KBTBD12: variants seen among roughly 807,000 people sequenced by gnomAD.
KBTBD12 encodes the protein kelch repeat and BTB domain containing 12.
KBTBD12 carries 53 observed loss-of-function variants against 58.7 expected under a neutral mutation model. The ratio of observed to expected loss-of-function variants is 0.90; its 90% CI spans 0.72 to 1.14. The LOEUF (loss-of-function observed/expected upper bound fraction) is 1.14, where lower values mean the gene tolerates loss of function less well. Among genes scored for constraint, KBTBD12 ranks in the 50% most tolerant of loss-of-function variants. The probability of loss-of-function intolerance (pLI) is 0.00; values close to 1 mark genes in which losing one functional copy is unlikely to be tolerated. For synonymous variants in KBTBD12, 236 were observed against 259.8 expected (o/e 0.91, Z 0.88); for missense variants, 704 against 751.3 (o/e 0.94, Z 0.74).
At chr3:127,968,729 A>T (rs546759048) in intron 5 of KBTBD12, among the ~76,000 whole-genome samples, 36 of 152,276 alleles carry the variant, frequency 2.4e-4, no homozygotes, top group Middle Eastern at 3.4e-3. Flanking sequence ...ACATTTACCT[A>T]TGTAACAAAC....
chr3:127,925,314 C>A (rs1310950544), intron 2 of KBTBD12, among the ~76,000 whole-genome samples: 2 of 152,100 alleles, frequency 1.3e-5, no homozygotes, highest in African/African-American at 4.8e-5. Flanking sequence ...AGAGCAGATC[C>A]CCACAGGAAG....
At position 127,923,247 on chromosome 3, in the gene KBTBD12, T is replaced by C. The variant is rs751360545; in HGVS notation, c.186T>C (p.Cys62=). 1.4e-5 allele frequency: 23 copies of C among 1,613,902 alleles called. No individual in the cohort carries two copies. The highest frequency in any genetic ancestry group is 1.9e-5 in the Non-Finnish European group (22 of 1,179,816). The part of the protein sequence containing the change: ...FSPYFKAMFT[C]GLLECNQREV... ...CTTATTTCAAAGCTATGTTCACCTG[T>C]GGACTACTTGAATGTAATCAAAGGG... Residue 62 remains cysteine (C), a synonymous_variant, in exon 2 of 6, where the codon TGT becomes TGC. Coordinates refer to ENST00000405109, the MANE Select transcript of KBTBD12 (RefSeq NM_207335.4).
At chr3:127,976,455 T>C (rs1029208615) in intron 5 of KBTBD12, among the ~76,000 whole-genome samples, 1 of 152,230 alleles carries the variant, frequency 6.6e-6, no homozygotes, top group Non-Finnish European at 1.5e-5. Flanking sequence ...CCTCTCTTGA[T>C]GTCTATCCGA....
At chr3:127,952,803 T>C (rs1940235273) in intron 4 of KBTBD12, among the ~76,000 whole-genome samples, 1 of 152,240 alleles carries the variant, frequency 6.6e-6, no homozygotes, top group Non-Finnish European at 1.5e-5. Context: ...GGGAAAGATT[T>C]AGGCAAGCAG....
chr3:127,960,342 G>A (rs1022097179), intron 4 of KBTBD12, among the ~76,000 whole-genome samples: 2 of 152,026 alleles, frequency 1.3e-5, no homozygotes, highest in African/African-American at 2.4e-5. Flanking sequence ...TTTCCACTAC[G>A]CACACACCAA....
intron 1 of KBTBD12, among the ~76,000 whole-genome samples, chr3:127,920,918 C>T (rs1032409263): frequency 2.6e-5 from 4 of 151,712 alleles, no homozygotes; most frequent in Middle Eastern, 3.4e-3. Context: ...TTTATATCAC[C>T]GAGAACATTT....
intron 4 of KBTBD12, among the ~76,000 whole-genome samples, chr3:127,961,284 A>C (rs1003275968): frequency 6.6e-6 from 1 of 152,196 alleles, no homozygotes; most frequent in African/African-American, 2.4e-5. Flanking sequence ...TGCCACATTG[A>C]AAGAGGGCCC....
In KBTBD12 at chr3:127,952,894, G is replaced by A. The variant is rs539805467; in HGVS notation, c.1493-10295G>A. The stretch of plus-strand genomic sequence containing the variant: ...TAAATTTTCTGAGTAAATCTCATGT[G>A]TACAAAGGTTTCCCAGGTGTATTCT... On this transcript the variant is annotated intron_variant, in intron 4 of 5. Transcript: ENST00000405109. Among the ~76,000 whole-genome samples, 3 of 152,296 alleles carry A rather than the reference G, an allele frequency of 2.0e-5. No homozygotes were observed. In the East Asian group the frequency reaches 5.8e-4, roughly 29 times the overall value.
intron 4 of KBTBD12, among the ~76,000 whole-genome samples, chr3:127,935,058 T>G (rs1939797170): frequency 6.6e-6 from 1 of 152,156 alleles, no homozygotes; most frequent in South Asian, 2.1e-4. Flanking sequence ...TCTTAATTTA[T>G]TTAAAAGATA....
At chr3:127,934,672 G>C (rs868325498) in intron 4 of KBTBD12, among the ~76,000 whole-genome samples, 2 of 152,012 alleles carry the variant, frequency 1.3e-5, no homozygotes, top group East Asian at 3.8e-4. Flanking sequence ...AAGGTAAAAC[G>C]CCGTATCATG....
chr3:127,920,561 G>A (rs778584751), intron 1 of KBTBD12, among the ~76,000 whole-genome samples: 2 of 151,918 alleles, frequency 1.3e-5, no homozygotes, highest in Non-Finnish European at 2.9e-5. Context: ...TAGAAAAGAA[G>A]GCACGGTCAT....
intron 4 of KBTBD12, among the ~76,000 whole-genome samples, chr3:127,961,903 G>A (rs1576389558): frequency 6.6e-6 from 1 of 152,196 alleles, no homozygotes; most frequent in Non-Finnish European, 1.5e-5. Context: ...GGAAACACAT[G>A]AGATTAATTT....
intron 5 of KBTBD12, among the ~76,000 whole-genome samples, chr3:127,965,465 A>T (rs567184868): frequency 1.3e-5 from 2 of 152,278 alleles, no homozygotes; most frequent in African/African-American, 4.8e-5. Context: ...TAACATACCT[A>T]TTATGATCTA....
chr3:127,980,470 C>T (rs912814099), intron 5 of KBTBD12, among the ~76,000 whole-genome samples: 1 of 152,038 alleles, frequency 6.6e-6, no homozygotes, highest in Non-Finnish European at 1.5e-5. Flanking sequence ...GCTGGGACTA[C>T]AGGTGGGCGC....
chr3:127,935,291 A>T (rs1000739217), intron 4 of KBTBD12, among the ~76,000 whole-genome samples: 1 of 152,146 alleles, frequency 6.6e-6, no homozygotes, highest in Non-Finnish European at 1.5e-5. Context: ...ACATATGCAG[A>T]TGTAATATAT....
chr3:127,979,218 C>T (rs943042786), intron 5 of KBTBD12, among the ~76,000 whole-genome samples: 2 of 152,162 alleles, frequency 1.3e-5, no homozygotes, highest in African/African-American at 2.4e-5. Context: ...ACTTGACTTA[C>T]CAGGAACCAA....
At chr3:127,942,081 T>C (rs940586455) in intron 4 of KBTBD12, among the ~76,000 whole-genome samples, 3 of 152,180 alleles carry the variant, frequency 2.0e-5, no homozygotes, top group Non-Finnish European at 4.4e-5. Context: ...ATCATCTATG[T>C]AGAAAATCTA....
intron 1 of KBTBD12, among the ~76,000 whole-genome samples, chr3:127,919,267 G>C (rs1939339573): frequency 6.6e-6 from 1 of 151,928 alleles, no homozygotes; most frequent in South Asian, 2.1e-4. Flanking sequence ...TAAACAGCCT[G>C]TCACCCAGGC....
chr3:127,939,531 T>C (rs531392109), intron 4 of KBTBD12, among the ~76,000 whole-genome samples: 1 of 152,300 alleles, frequency 6.6e-6, no homozygotes, highest in African/African-American at 2.4e-5. Flanking sequence ...ATTCCAGTTA[T>C]AGTGATAAAA....
Sources: gnomAD v4.1 joint callset for allele counts (sites outside exome capture counted in the v4.1 genomes callset) on GRCh38, gnomAD v4.1.1 for gene constraint, MANE v1.5 for transcripts, NCBI Gene and HGNC (gene_info 2026-07-23, HGNC 2026-07-21) for gene names.